FBXL13: variants seen among roughly 807,000 people sequenced by gnomAD.
The protein encoded by FBXL13 is F-box and leucine-rich repeat protein 13.
A neutral mutation model predicts 83.6 loss-of-function variants in FBXL13; 67 were observed. The observed-to-expected ratio is 0.80, with a 90% CI of 0.66 to 0.98. The LOEUF (loss-of-function observed/expected upper bound fraction) is 0.98, where lower values mean the gene tolerates loss of function less well. Ranked by LOEUF, FBXL13 falls within the 50% of genes least tolerant of loss-of-function variation. The pLI is 0.00. For synonymous variants in FBXL13, 272 were observed against 299.5 expected (o/e 0.91, Z 0.95); for missense variants, 822 against 866.5 (o/e 0.95, Z 0.64).
rs552704579 is a variant in FBXL13 at position 102,952,928 on chromosome 7, G to A, written c.724+10605C>T. 3.3e-5 allele frequency among the ~76,000 whole-genome samples: 5 copies of A among 152,248 alleles called. No individual in the cohort carries two copies. In the South Asian group the frequency reaches 6.2e-4, roughly 19 times the overall value. On this transcript the variant is annotated intron_variant, in intron 8 of 19. Transcript: ENST00000313221. The stretch of plus-strand genomic sequence containing the variant: ...GAACCCAGAAGGCAGAGGTTCCAGT[G>A]AGCCAAGATTGCACCACTGAACTCC...
rs773449603 is a variant in FBXL13 at position 102,975,998 on chromosome 7, A to G, written c.496-7881T>C. On this transcript the variant is annotated intron_variant, in intron 6 of 19. Coordinates refer to ENST00000313221, the Ensembl canonical transcript of FBXL13. ...GCAATGAAGGCCACTGGCCCACACA[A>G]TGCCCAAACCCAGGTAAACCCACGA... The G allele has an allele frequency of 3.9e-6, 3 of 766,370 alleles. No individual in the cohort carries two copies. The South Asian group carries it at 4.0e-5, about 10-fold the overall frequency. 47.5% of individuals were successfully genotyped at this position (766,370 alleles called of 1,614,324 possible).
chr7:103,073,466 G>A (rs1000496598), intron 1 of FBXL13, among the ~76,000 whole-genome samples: 2 of 148,876 alleles, frequency 1.3e-5, no homozygotes, highest in African/African-American at 4.9e-5. Flanking sequence ...CTGGGTGGCA[G>A]ACCAACACCC....
intron 11 of FBXL13, among the ~76,000 whole-genome samples, chr7:102,887,060 C>T (rs766316243): frequency 1.3e-5 from 2 of 152,106 alleles, no homozygotes; most frequent in African/African-American, 2.4e-5. Flanking sequence ...TATGGCAATT[C>T]GTATGATGGG....
chr7:102,842,115 G>GGT (rs2129449330), intron 17 of FBXL13, among the ~76,000 whole-genome samples: 1 of 152,244 alleles, frequency 6.6e-6, no homozygotes, highest in South Asian at 2.1e-4. Flanking sequence ...CAAGCAATAT[G>GGT]GTCAAGAGAC....
intron 6 of FBXL13, among the ~76,000 whole-genome samples, chr7:103,010,418 G>A (rs1160385743): frequency 6.6e-6 from 1 of 151,752 alleles, no homozygotes; most frequent in Non-Finnish European, 1.5e-5. Context: ...TGAATCTGCT[G>A]AGAAGTGCAG....
chr7:102,937,166 T>C (rs1364260412), intron 8 of FBXL13, among the ~76,000 whole-genome samples: 1 of 152,122 alleles, frequency 6.6e-6, no homozygotes, highest in African/African-American at 2.4e-5. Context: ...CTCCAAGTGT[T>C]AATGACTGTG....
intron 7 of FBXL13, among the ~76,000 whole-genome samples, chr7:102,965,808 G>A (rs1245846547): frequency 6.6e-6 from 1 of 152,106 alleles, no homozygotes; most frequent in Non-Finnish European, 1.5e-5. Context: ...AACAAACGTG[G>A]TCATTTATGC....
At chr7:103,033,248 C>T (rs548892636) in intron 2 of FBXL13, among the ~76,000 whole-genome samples, 1 of 152,248 alleles carries the variant, frequency 6.6e-6, no homozygotes, top group African/African-American at 2.4e-5. Flanking sequence ...AGCCACATGT[C>T]ATCTGTCTCT....
chr7:102,994,707 T>G (rs954652903), intron 6 of FBXL13, among the ~76,000 whole-genome samples: 6 of 152,200 alleles, frequency 3.9e-5, no homozygotes, highest in Admixed American at 3.9e-4. Flanking sequence ...AAATACAGAA[T>G]TCAAACTGGC....
At chr7:102,884,393 C>A in intron 11 of FBXL13, 81 bp from the exon 13 acceptor site, 1 of 973,030 alleles carries the variant, frequency 1.0e-6, no homozygotes. Context: ...AAAGATACAC[C>A]ATAATTTTGT....
chr7:102,851,501 CCTTCTT>C (rs1392020849), intron 17 of FBXL13, among the ~76,000 whole-genome samples: 1 of 128,234 alleles, frequency 7.8e-6, no homozygotes, highest in Non-Finnish European at 1.6e-5. Context: ...TTCTCCTTCT[CCTTCTT>C]CTTTTCTTCT....
intron 2 of FBXL13, among the ~76,000 whole-genome samples, chr7:103,035,803 G>A (rs907125491): frequency 1.4e-4 from 22 of 152,078 alleles, no homozygotes; most frequent in Non-Finnish European, 4.4e-5. Context: ...CAGTTAACCT[G>A]TGAATCAAAA....
At chr7:102,837,477 T>C (rs966251830) in intron 17 of FBXL13, among the ~76,000 whole-genome samples, 1 of 152,256 alleles carries the variant, frequency 6.6e-6, no homozygotes, top group Non-Finnish European at 1.5e-5. Context: ...AAACTTTGGC[T>C]TCAAACCAGC....
At chr7:102,971,903 G>A (rs1826724699) in intron 6 of FBXL13, among the ~76,000 whole-genome samples, 1 of 151,942 alleles carries the variant, frequency 6.6e-6, no homozygotes. Context: ...GCATGCACCT[G>A]TAATCCCAGC....
At chr7:102,864,782 T>A (rs1244733275) in intron 16 of FBXL13, among the ~76,000 whole-genome samples, 1 of 152,364 alleles carries the variant, frequency 6.6e-6, no homozygotes, top group East Asian at 1.9e-4. Context: ...ATGCATATAG[T>A]GCTTGCCATG....
chr7:102,851,505 CTTCTT>C (rs1805242782), intron 17 of FBXL13, among the ~76,000 whole-genome samples: 1 of 135,296 alleles, frequency 7.4e-6, no homozygotes, highest in African/African-American at 2.8e-5. Flanking sequence ...CCTTCTCCTT[CTTCTT>C]TTCTTCTTCC....
chr7:103,058,177 T>C (rs1213964102), intron 1 of FBXL13, among the ~76,000 whole-genome samples: 1 of 152,094 alleles, frequency 6.6e-6, no homozygotes, highest in Non-Finnish European at 1.5e-5. Flanking sequence ...CTCTTCTTAG[T>C]GTACAGCCTT....
intron 10 of FBXL13, among the ~76,000 whole-genome samples, chr7:102,923,757 G>A (rs1227634296): frequency 2.6e-5 from 4 of 151,884 alleles, no homozygotes; most frequent in African/African-American, 4.8e-5. Flanking sequence ...CCTGGGAGGC[G>A]GAGGTTGTAG....
At chr7:102,996,117 C>A (rs1206660886) in intron 6 of FBXL13, among the ~76,000 whole-genome samples, 1 of 152,180 alleles carries the variant, frequency 6.6e-6, no homozygotes, top group African/African-American at 2.4e-5. Flanking sequence ...ACCCAGTTCT[C>A]CCTGAGTCCT....
Sources: allele counts gnomAD v4.1 joint callset (sites outside exome capture counted in the v4.1 genomes callset), GRCh38; gene constraint gnomAD v4.1.1; transcripts MANE v1.5; gene names NCBI Gene and HGNC (gene_info 2026-07-23, HGNC 2026-07-21).